Variants in KCNIP4 observed in about 807,000 individuals in gnomAD.
The protein encoded by KCNIP4 is Kv channel-interacting protein 4.
Under a neutral mutation model 34.0 loss-of-function variants are expected in KCNIP4, and 12 were observed. The observed-to-expected ratio is 0.35, with a 90% CI of 0.23 to 0.57. The LOEUF (loss-of-function observed/expected upper bound fraction) is 0.57. KCNIP4 is among the 20% of genes least tolerant of loss of function. The probability of loss-of-function intolerance (pLI) is 0.83; values close to 1 mark genes in which losing one functional copy is unlikely to be tolerated. For synonymous variants in KCNIP4, 124 were observed against 102.2 expected (o/e 1.21, Z -1.29); for missense variants, 238 against 311.7 (o/e 0.76, Z 1.78).
chr4:21,352,943 A>T (rs1436028941), intron 1 of KCNIP4, among the ~76,000 whole-genome samples: 2 of 152,184 alleles, frequency 1.3e-5, no homozygotes, highest in Non-Finnish European at 2.9e-5. Flanking sequence ...TCAGACAGCA[A>T]CATTTGCTGT....
intron 1 of KCNIP4, among the ~76,000 whole-genome samples, chr4:20,935,073 G>A (rs73242574): frequency 0.046 from 6,970 of 152,168 alleles, 188 homozygotes; most frequent in Middle Eastern, 0.1. Flanking sequence ...AATGTCCCTT[G>A]AGGACACAGT....
chr4:21,690,427 A>G (rs1751181471), intron 1 of KCNIP4, among the ~76,000 whole-genome samples: 1 of 152,088 alleles, frequency 6.6e-6, no homozygotes, highest in Non-Finnish European at 1.5e-5. Context: ...ATGGGGCTAG[A>G]TCCCTCATGA....
At chr4:20,847,570 G>C (rs1249081190) in intron 3 of KCNIP4, among the ~76,000 whole-genome samples, 1 of 152,090 alleles carries the variant, frequency 6.6e-6, no homozygotes, top group Non-Finnish European at 1.5e-5. Context: ...AATCTGGCAA[G>C]AGACCTAAAA....
At chr4:21,394,032 G>C (rs911819934) in intron 1 of KCNIP4, among the ~76,000 whole-genome samples, 1 of 152,142 alleles carries the variant, frequency 6.6e-6, no homozygotes, top group Admixed American at 6.5e-5. Context: ...TCTTAGGGAA[G>C]TTACTTATTT....
chr4:20,871,831 T>C (rs982076018), intron 2 of KCNIP4, among the ~76,000 whole-genome samples: 5 of 152,146 alleles, frequency 3.3e-5, no homozygotes, highest in African/African-American at 1.2e-4. Context: ...TAAACTCATC[T>C]TGATGTCACC....
intron 1 of KCNIP4, among the ~76,000 whole-genome samples, chr4:21,106,942 A>T (rs899817247): frequency 2.0e-5 from 3 of 150,866 alleles, no homozygotes; most frequent in Non-Finnish European, 4.4e-5. Flanking sequence ...TTCTAGTTTG[A>T]TTGCACTGTG....
chr4:21,034,113 T>A (rs994523433), intron 1 of KCNIP4, among the ~76,000 whole-genome samples: 2 of 152,160 alleles, frequency 1.3e-5, no homozygotes, highest in South Asian at 4.1e-4. Flanking sequence ...AAAAATCTGT[T>A]TTAAGTATAA....
At chr4:21,452,879 C>T (rs1728629806) in intron 1 of KCNIP4, among the ~76,000 whole-genome samples, 1 of 151,160 alleles carries the variant, frequency 6.6e-6, no homozygotes, top group Non-Finnish European at 1.5e-5. Flanking sequence ...GGCTGTATGC[C>T]TTAATAAAGG....
At chr4:20,854,322 G>T (rs547248718) in intron 2 of KCNIP4, among the ~76,000 whole-genome samples, 57 of 152,234 alleles carry the variant, frequency 3.7e-4, no homozygotes, top group African/African-American at 1.2e-3. Flanking sequence ...AAAAAGGAAA[G>T]AATTAATGGC....
At chr4:21,055,625 G>A (rs1743334846) in intron 1 of KCNIP4, among the ~76,000 whole-genome samples, 1 of 152,168 alleles carries the variant, frequency 6.6e-6, no homozygotes, top group Admixed American at 6.6e-5. Flanking sequence ...AACCAATATG[G>A]AGGAAACTTG....
chr4:21,405,462 C>A (rs1253274966), intron 1 of KCNIP4, among the ~76,000 whole-genome samples: 1 of 152,156 alleles, frequency 6.6e-6, no homozygotes, highest in African/African-American at 2.4e-5. Context: ...GCAGGTATTT[C>A]TTTCCTATTA....
chr4:21,321,170 G>A (rs922652833), intron 1 of KCNIP4, among the ~76,000 whole-genome samples: 23 of 152,152 alleles, frequency 1.5e-4, no homozygotes, highest in African/African-American at 5.1e-4. Context: ...GCCATACTAT[G>A]GTTATTTGTT....
intron 1 of KCNIP4, among the ~76,000 whole-genome samples, chr4:21,397,397 T>C (rs1057485280): frequency 6.6e-6 from 1 of 152,160 alleles, no homozygotes; most frequent in Non-Finnish European, 1.5e-5. Flanking sequence ...ATCAATAGCA[T>C]ACTAAGAGGG....
At chr4:20,824,824 T>A (rs1717535032) in intron 3 of KCNIP4, among the ~76,000 whole-genome samples, 1 of 9,226 alleles carries the variant, frequency 1.1e-4, no homozygotes, top group African/African-American at 4.7e-4. Context: ...TCATAATTGC[T>A]TTTTTCTTTT....
intron 1 of KCNIP4, among the ~76,000 whole-genome samples, chr4:21,932,896 T>C (rs1040087243): frequency 2.6e-5 from 4 of 151,800 alleles, no homozygotes; most frequent in African/African-American, 9.7e-5. Flanking sequence ...TCTATCAAAA[T>C]GAAGAACATG....
intron 1 of KCNIP4, among the ~76,000 whole-genome samples, chr4:21,713,688 A>T (rs995235903): frequency 6.6e-6 from 1 of 152,196 alleles, no homozygotes; most frequent in Admixed American, 6.5e-5. Context: ...GCTATTGAAC[A>T]TTAGAATGTA....
At chr4:21,630,713 G>A (rs1209036421) in intron 1 of KCNIP4, among the ~76,000 whole-genome samples, 1 of 152,102 alleles carries the variant, frequency 6.6e-6, no homozygotes, top group East Asian at 1.9e-4. Flanking sequence ...ATATGGCCAT[G>A]AAACTTTCCT....
chr4:21,870,731 C>T (rs1725740348), intron 1 of KCNIP4, among the ~76,000 whole-genome samples: 1 of 152,128 alleles, frequency 6.6e-6, no homozygotes, highest in Admixed American at 6.5e-5. Flanking sequence ...TTTTGTGTGG[C>T]AAAGTCAAGA....
chr4:21,608,105 C>T (rs1286201062), intron 1 of KCNIP4, among the ~76,000 whole-genome samples: 1 of 152,108 alleles, frequency 6.6e-6, no homozygotes, highest in Non-Finnish European at 1.5e-5. Flanking sequence ...CATGATGGTC[C>T]TTATTACAGA....
Sources: gnomAD v4.1 joint callset for allele counts (sites outside exome capture counted in the v4.1 genomes callset) on GRCh38, gnomAD v4.1.1 for gene constraint, MANE v1.5 for transcripts, NCBI Gene and HGNC (gene_info 2026-07-23, HGNC 2026-07-21) for gene names.